The following MAP2K4 variants were observed in gnomAD, a reference collection of about 807,000 sequenced individuals.
The protein encoded by MAP2K4 is mitogen-activated protein kinase kinase 4, also known as dual specificity mitogen-activated protein kinase kinase 4.
In MAP2K4, 4 loss-of-function variants were observed where a neutral mutation model predicts 48.5. That is an observed-to-expected ratio of 0.08 (90% CI 0.04 to 0.19). The LOEUF is 0.19. Among genes scored for constraint, MAP2K4 ranks in the 10% least tolerant of loss-of-function variants. The pLI, the probability that MAP2K4 is intolerant of heterozygous loss-of-function variation, is 1.00. For missense variants in MAP2K4, 258 were observed against 493.3 expected (o/e 0.52, Z 4.52); for synonymous variants, 166 against 173.1 (o/e 0.96, Z 0.32).
intron 2 of MAP2K4, among the ~76,000 whole-genome samples, chr17:12,074,647 G>A (rs1970936076): frequency 6.6e-6 from 1 of 152,156 alleles, no homozygotes; most frequent in South Asian, 2.1e-4. Flanking sequence ...TGATCAAGGA[G>A]GGCCCTCTGC....
chr17:12,073,231 CACTGGTA>C (rs1252015509), intron 2 of MAP2K4, among the ~76,000 whole-genome samples: 1 of 152,128 alleles, frequency 6.6e-6, no homozygotes, highest in Middle Eastern at 3.2e-3. Context: ...CTCCTGCCCA[CACTGGTA>C]ACTACCAGAA....
chr17:12,047,885 G>GTGTA (rs1158731525), intron 1 of MAP2K4, among the ~76,000 whole-genome samples: 1 of 152,224 alleles, frequency 6.6e-6, no homozygotes, highest in Admixed American at 6.5e-5. Flanking sequence ...TTTCACAGAT[G>GTGTA]TGTAGTGTAC....
At chr17:12,025,414 A>G (rs1969223591) in intron 1 of MAP2K4, among the ~76,000 whole-genome samples, 1 of 152,230 alleles carries the variant, frequency 6.6e-6, no homozygotes, top group African/African-American at 2.4e-5. Flanking sequence ...TGCTGTAGCT[A>G]CTAATCACTT....
intron 7 of MAP2K4, among the ~76,000 whole-genome samples, chr17:12,113,682 T>C (rs1220436516): frequency 2.0e-5 from 3 of 152,204 alleles, no homozygotes; most frequent in Non-Finnish European, 4.4e-5. Flanking sequence ...CGTCCCTTAG[T>C]GAGACAAATG....
chr17:12,082,367 A>G (rs567844903), intron 3 of MAP2K4, among the ~76,000 whole-genome samples: 49 of 152,338 alleles, frequency 3.2e-4, no homozygotes, highest in African/African-American at 1.1e-3. Flanking sequence ...AAGGAAAAAA[A>G]GCTAGCTGTG....
chr17:12,020,904 G>A lies in MAP2K4; in HGVS notation c.18G>A (p.Pro6=), dbSNP rs1035833226. The change falls in exon 1 of 11, where the codon CCG becomes CCA. Residue 6 remains proline, a synonymous_variant. Coordinates refer to ENST00000353533, the MANE Select transcript of MAP2K4 (RefSeq NM_003010.4). Reference sequence around the variant, plus strand: ...TCCCAACAATGGCGGCTCCGAGCCCGAGCGGCGGCGGCGGCTCCGGGGGCG... The same window carrying A: ...TCCCAACAATGGCGGCTCCGAGCCCAAGCGGCGGCGGCGGCTCCGGGGGCG... MAAPS[P]SGGGGSGGGS... 3.2e-5 allele frequency: 37 copies of A among 1,139,452 alleles called. No individual in the cohort carries two copies. Among genetic ancestry groups the A allele is most frequent in the Non-Finnish European group, 3.9e-5 (36 of 930,784 alleles). 70.6% of individuals were successfully genotyped at this position (1,139,452 alleles called of 1,614,324 possible).
chr17:12,043,821 G>T (rs1470885835), intron 1 of MAP2K4, among the ~76,000 whole-genome samples: 2 of 152,056 alleles, frequency 1.3e-5, no homozygotes, highest in Admixed American at 1.3e-4. Context: ...ATTGTTAGGG[G>T]TTTTTATGGA....
intron 3 of MAP2K4, among the ~76,000 whole-genome samples, chr17:12,091,520 A>G (rs750619209): frequency 1.3e-5 from 2 of 152,220 alleles, no homozygotes; most frequent in Non-Finnish European, 2.9e-5. Flanking sequence ...AACCAATGGC[A>G]TGAGTTGGAC....
intron 3 of MAP2K4, among the ~76,000 whole-genome samples, chr17:12,093,685 T>G (rs1421608841): frequency 6.6e-6 from 1 of 152,184 alleles, no homozygotes; most frequent in Non-Finnish European, 1.5e-5. Flanking sequence ...AATACATTTG[T>G]TAACACCTTT....
chr17:12,097,445 A>G (rs1971793112), intron 4 of MAP2K4, among the ~76,000 whole-genome samples: 1 of 152,248 alleles, frequency 6.6e-6, no homozygotes, highest in African/African-American at 2.4e-5. Flanking sequence ...TGATTGTATG[A>G]AAAGAAAGCA....
chr17:12,033,634 A>G (rs1223710959), intron 1 of MAP2K4, among the ~76,000 whole-genome samples: 3 of 152,144 alleles, frequency 2.0e-5, no homozygotes, highest in Admixed American at 2.0e-4. Flanking sequence ...TATATATGAT[A>G]TATATCTATA....
chr17:12,042,757 G>C (rs202167324), intron 1 of MAP2K4, among the ~76,000 whole-genome samples: 1 of 152,174 alleles, frequency 6.6e-6, no homozygotes, highest in Admixed American at 6.5e-5. Flanking sequence ...GCTTTAAGAA[G>C]ATGTTCTTGG....
Position 12,020,937 on chromosome 17 carries a change from C to T in MAP2K4, c.51C>T (p.Gly17=), listed in dbSNP as rs2151500911. The T allele has an allele frequency of 1.6e-6, 2 of 1,216,874 alleles. No homozygotes were observed. Among genetic ancestry groups the T allele is most frequent in the African/African-American group, 3.1e-5 (2 of 63,736 alleles). 75.4% of individuals were successfully genotyped at this position (1,216,874 alleles called of 1,614,324 possible). ...SGGGGSGGGS[G]SGTPGPVGSP... ...GCGGCGGCTCCGGGGGCGGCAGCGG[C>T]AGCGGCACCCCCGGCCCCGTAGGGT... Residue 17 remains glycine, a synonymous_variant, in exon 1 of 11, where the codon GGC becomes GGT. Coordinates refer to ENST00000353533, the MANE Select transcript of MAP2K4 (RefSeq NM_003010.4).
chr17:12,033,705 T>TCACTGTGATAA (rs1339663366), intron 1 of MAP2K4, among the ~76,000 whole-genome samples: 10 of 152,236 alleles, frequency 6.6e-5, no homozygotes, highest in Admixed American at 2.6e-4. Flanking sequence ...CTGTGATAAT[T>TCACTGTGATAA]TTTAGCTTTG....
At chr17:12,115,877 CTG>C (rs1170870421) in intron 7 of MAP2K4, 3 of 648,822 alleles carry the variant, frequency 4.6e-6, no homozygotes, top group East Asian at 6.6e-5. Flanking sequence ...CACCTTTGGA[CTG>C]TGTATTGGAC....
intron 1 of MAP2K4, among the ~76,000 whole-genome samples, chr17:12,051,904 AGAG>A (rs943150747): frequency 1.3e-5 from 2 of 151,868 alleles, no homozygotes; most frequent in Non-Finnish European, 2.9e-5. Context: ...AGTGAATGGG[AGAG>A]GAGAAGATGC....
chr17:12,120,345 A>C (rs372760687), intron 7 of MAP2K4, among the ~76,000 whole-genome samples: 12 of 152,246 alleles, frequency 7.9e-5, no homozygotes, highest in Admixed American at 3.9e-4. Context: ...CTGTAATCCC[A>C]GCTAGTCAGG....
chr17:12,081,295 A>G lies in MAP2K4; in HGVS notation c.219-61A>G, dbSNP rs1971179504. 1 of 1,393,308 alleles carries G rather than the reference A, an allele frequency of 7.2e-7. No individual in the cohort carries two copies. The highest frequency in any genetic ancestry group is 9.9e-7 in the Non-Finnish European group (1 of 1,013,508). The allele number at this position is 1,393,308 out of a possible 1,614,324, so 86.3% of individuals were successfully genotyped here. A position where few individuals can be genotyped will look rare whatever the true frequency, so the allele number is the denominator to read the frequency against. On this transcript the variant is annotated intron_variant, in intron 2 of 10. Transcript: ENST00000353533. The surrounding 1 kb of genome is among the most constrained non-coding windows in gnomAD (Gnocchi z 4.2). ...TTTTTCCCACACATTAATCAGTACT[A>G]AAAGAAAAAAGTTAAAACCTATTTA...
At chr17:12,137,868 T>C (rs1293303527) in intron 9 of MAP2K4, among the ~76,000 whole-genome samples, 1 of 152,056 alleles carries the variant, frequency 6.6e-6, no homozygotes, top group Non-Finnish European at 1.5e-5. Context: ...AGTGCATAAA[T>C]GATAAACAAA....
Sources: gnomAD v4.1 joint callset for allele counts (sites outside exome capture counted in the v4.1 genomes callset) on GRCh38, gnomAD v4.1.1 for gene constraint, Gnocchi (gnomAD v3.1) non-coding constraint, MANE v1.5 for transcripts, NCBI Gene and HGNC (gene_info 2026-07-23, HGNC 2026-07-21) for gene names.